LRP6: variants seen among roughly 807,000 people sequenced by gnomAD.
LRP6 encodes the protein LDL receptor related protein 6.
In LRP6, 43 loss-of-function variants were observed where a neutral mutation model predicts 184.1. That is an observed-to-expected ratio of 0.23 (90% CI 0.18 to 0.30). LRP6 has a LOEUF of 0.30. Ranked by LOEUF, LRP6 falls within the 10% of genes least tolerant of loss-of-function variation. LRP6 has a pLI of 1.00. For synonymous variants in LRP6, 719 were observed against 684.9 expected, an observed-to-expected ratio of 1.05 and a Z score of -0.78; for missense variants, 1,571 against 2,005.3, an observed-to-expected ratio of 0.78 and a Z score of 4.14.
intron 1 of LRP6, among the ~76,000 whole-genome samples, chr12:12,255,249 T>G (rs1865430150): frequency 6.6e-6 from 1 of 152,018 alleles, no homozygotes; most frequent in Admixed American, 6.6e-5. Context: ...TGCCCTAAGC[T>G]TAAGAAAGTA....
At chr12:12,259,495 G>T (rs1450019516) in intron 1 of LRP6, among the ~76,000 whole-genome samples, 1 of 152,014 alleles carries the variant, frequency 6.6e-6, no homozygotes, top group African/African-American at 2.4e-5. Context: ...TTATGATACC[G>T]CTAAAAGGAT....
At chr12:12,254,883 T>G (rs957888537) in intron 1 of LRP6, among the ~76,000 whole-genome samples, 1 of 152,172 alleles carries the variant, frequency 6.6e-6, no homozygotes, top group Non-Finnish European at 1.5e-5. Context: ...TCACCCAAAT[T>G]TATAGGTATT....
At chr12:12,162,150 T>C in intron 10 of LRP6, 43 bp downstream of exon 10, 3 of 1,452,468 alleles carry the variant, frequency 2.1e-6, no homozygotes, top group Non-Finnish European at 2.9e-6. Context: ...TTCCCCGAAA[T>C]GTACACTGCA....
chr12:12,209,045 T>A (rs1438017281), intron 2 of LRP6, among the ~76,000 whole-genome samples: 1 of 152,170 alleles, frequency 6.6e-6, no homozygotes, highest in Non-Finnish European at 1.5e-5. Context: ...AAGAAGTTAC[T>A]CTCACTGCAA....
chr12:12,265,500 G>A (rs1865733277), intron 1 of LRP6, among the ~76,000 whole-genome samples: 1 of 152,144 alleles, frequency 6.6e-6, no homozygotes, highest in Admixed American at 6.6e-5. Flanking sequence ...GTTACTATTA[G>A]TGTTCTGTAA....
chr12:12,191,026 C>G (rs970842269), intron 3 of LRP6, among the ~76,000 whole-genome samples: 3 of 152,116 alleles, frequency 2.0e-5, no homozygotes, highest in South Asian at 4.1e-4. Flanking sequence ...GGCACCTCTG[C>G]AGGATATGAG....
intron 12 of LRP6, among the ~76,000 whole-genome samples, chr12:12,151,684 T>C (rs1209654602): frequency 6.6e-6 from 1 of 152,084 alleles, no homozygotes; most frequent in Non-Finnish European, 1.5e-5. Context: ...TGTAAATTTT[T>C]AATGTTTTTA....
chr12:12,191,580 G>GA (rs540702448), intron 3 of LRP6, among the ~76,000 whole-genome samples: 243 of 152,122 alleles, frequency 1.6e-3, no homozygotes, highest in African/African-American at 5.6e-3. Flanking sequence ...ATAAAGTGAA[G>GA]AATAACATTC....
chr12:12,266,658 T>C (rs529129272), intron 1 of LRP6, 23 bp downstream of exon 1: 1 of 1,609,074 alleles, frequency 6.2e-7, no homozygotes, highest in Non-Finnish European at 8.5e-7. Flanking sequence ...CCACCAACTT[T>C]CCAGTGCCCC....
intron 6 of LRP6, 37 bp downstream of exon 6, chr12:12,181,006 A>G: frequency 6.2e-7 from 1 of 1,612,784 alleles, no homozygotes; most frequent in Non-Finnish European, 8.5e-7. Context: ...AAAAACAGAA[A>G]CACCACACAG....
At chr12:12,132,441 A>G (rs746806129) in intron 17 of LRP6, among the ~76,000 whole-genome samples, 1 of 152,228 alleles carries the variant, frequency 6.6e-6, no homozygotes, top group Admixed American at 6.5e-5. Flanking sequence ...AGGATAGTCC[A>G]TGAACCCTTA....
chr12:12,182,029 A>G (rs1251058795), intron 5 of LRP6, among the ~76,000 whole-genome samples: 1 of 152,228 alleles, frequency 6.6e-6, no homozygotes, highest in Non-Finnish European at 1.5e-5. Flanking sequence ...AGAATTGAGG[A>G]CAAAGCAAGC....
At chr12:12,259,600 G>C (rs987233967) in intron 1 of LRP6, among the ~76,000 whole-genome samples, 36 of 152,082 alleles carry the variant, frequency 2.4e-4, no homozygotes, top group African/African-American at 8.5e-4. Flanking sequence ...CCTTTAGTGA[G>C]AATACTCACT....
At chr12:12,219,254 G>A (rs1045484323) in intron 2 of LRP6, among the ~76,000 whole-genome samples, 1 of 152,122 alleles carries the variant, frequency 6.6e-6, no homozygotes. Flanking sequence ...GCCCAGGCTG[G>A]AGTGCAGTGG....
intron 1 of LRP6, among the ~76,000 whole-genome samples, chr12:12,248,631 G>A (rs185858810): frequency 1.0e-3 from 151 of 151,528 alleles, no homozygotes; most frequent in African/African-American, 3.3e-3. Context: ...ACAGGCGCCC[G>A]CCACTACGCC....
At chr12:12,198,519 T>G (rs1039519762) in intron 3 of LRP6, among the ~76,000 whole-genome samples, 1 of 148,470 alleles carries the variant, frequency 6.7e-6, no homozygotes, top group African/African-American at 2.5e-5. Context: ...ATTTCATTTC[T>G]GAATTTTTCT....
chr12:12,262,672 T>A (rs1274452260), intron 1 of LRP6, among the ~76,000 whole-genome samples: 1 of 152,184 alleles, frequency 6.6e-6, no homozygotes, highest in Admixed American at 6.5e-5. Flanking sequence ...TCAGATATTA[T>A]TTTTTCTCAT....
chr12:12,200,772 C>T (rs1200541730), intron 3 of LRP6, among the ~76,000 whole-genome samples: 1 of 152,176 alleles, frequency 6.6e-6, no homozygotes, highest in Non-Finnish European at 1.5e-5. Context: ...AAAGAAGCAG[C>T]CCATGAAAGC....
chr12:12,182,355 G>T (rs1411535882), intron 5 of LRP6, among the ~76,000 whole-genome samples: 1 of 152,034 alleles, frequency 6.6e-6, no homozygotes, highest in Non-Finnish European at 1.5e-5. Flanking sequence ...GTTTATTTAT[G>T]AACTGTTTAA....
Sources: allele counts gnomAD v4.1 joint callset (sites outside exome capture counted in the v4.1 genomes callset), GRCh38; gene constraint gnomAD v4.1.1; transcripts MANE v1.5; gene names NCBI Gene and HGNC (gene_info 2026-07-23, HGNC 2026-07-21).